Variants in EPC2 observed in about 807,000 individuals in gnomAD.
EPC2 encodes the protein enhancer of polycomb homolog 2.
In EPC2, 14 loss-of-function variants were observed where a neutral mutation model predicts 92.1. That is an observed-to-expected ratio of 0.15 (90% confidence interval 0.10 to 0.24). The LOEUF (loss-of-function observed/expected upper bound fraction) is 0.24. Among genes scored for constraint, EPC2 ranks in the 10% least tolerant of loss-of-function variants. EPC2 has a pLI of 1.00. For synonymous variants in EPC2, 340 were observed against 334.7 expected (o/e 1.02, Z -0.17); for missense variants, 755 against 971.5 (o/e 0.78, Z 2.96).
At chr2:148,711,220 T>A (rs1682137068) in intron 2 of EPC2, among the ~76,000 whole-genome samples, 1 of 152,080 alleles carries the variant, frequency 6.6e-6, no homozygotes, top group Non-Finnish European at 1.5e-5. Flanking sequence ...GTCCTATAAA[T>A]TTTTCTCTAA....
intron 2 of EPC2, among the ~76,000 whole-genome samples, chr2:148,729,216 T>C (rs1682569501): frequency 6.6e-6 from 1 of 152,096 alleles, no homozygotes; most frequent in Non-Finnish European, 1.5e-5. Flanking sequence ...TACTAGCTTG[T>C]ACAGGAGTGC....
intron 2 of EPC2, among the ~76,000 whole-genome samples, chr2:148,695,695 C>G (rs1406983704): frequency 1.3e-5 from 2 of 152,176 alleles, no homozygotes; most frequent in East Asian, 3.8e-4. Context: ...AAATGAAGAG[C>G]ATTGTTTTGT....
At position 148,690,267 on chromosome 2, in the gene EPC2, A is replaced by G. The variant is rs1681616298; in HGVS notation, c.207A>G (p.Lys69=). 6.2e-7 allele frequency: 1 copy of G among 1,610,482 alleles called. No homozygotes were observed. The highest frequency in any genetic ancestry group is 8.5e-7 in the Non-Finnish European group (1 of 1,179,000). ...CACAGCAAGTGTTTAGAGAAAAAAA[A>G]GAGAGTATGGTCATTCCTGTTCCTG... ...ISAQQVFREK[K]ESMVIPVPEA... Residue 69 remains lysine, a synonymous_variant, in exon 2 of 14, where the codon AAA becomes AAG. Transcript: ENST00000258484.
chr2:148,668,852 A>C (rs2105359206), intron 1 of EPC2, among the ~76,000 whole-genome samples: 1 of 150,642 alleles, frequency 6.6e-6, no homozygotes, highest in African/African-American at 2.4e-5. Context: ...GGTTTTGTTG[A>C]TCTTTCTCTG....
intron 3 of EPC2, among the ~76,000 whole-genome samples, chr2:148,746,822 T>TACACAC (rs34536465): frequency 2.0e-5 from 3 of 151,314 alleles, no homozygotes; most frequent in East Asian, 1.9e-4. Flanking sequence ...AAAAATTGTA[T>TACACAC]ACACACACAC....
At chr2:148,665,494 A>T (rs1396559858) in intron 1 of EPC2, among the ~76,000 whole-genome samples, 1 of 152,198 alleles carries the variant, frequency 6.6e-6, no homozygotes, top group Non-Finnish European at 1.5e-5. Flanking sequence ...TTGATTTAAA[A>T]CAAGGTTTTC....
chr2:148,755,405 C>G (rs908348629), intron 4 of EPC2, among the ~76,000 whole-genome samples: 1 of 151,930 alleles, frequency 6.6e-6, no homozygotes, highest in African/African-American at 2.4e-5. Context: ...CTATCAATCG[C>G]TTTTTGAAAG....
At chr2:148,769,094 C>T in intron 7 of EPC2, 57 bp from the exon 8 acceptor site, 1 of 1,132,156 alleles carries the variant, frequency 8.8e-7, no homozygotes, top group East Asian at 2.5e-5. Context: ...TAGAGTATTA[C>T]AAACATTGAT....
At chr2:148,742,676 G>A (rs1682899803) in intron 2 of EPC2, among the ~76,000 whole-genome samples, 1 of 151,750 alleles carries the variant, frequency 6.6e-6, no homozygotes, top group Non-Finnish European at 1.5e-5. Context: ...ACTTTACTTG[G>A]GAGACTGAGG....
rs142600759 is a variant in EPC2, at chr2:148,717,425, A to T, written c.314-26197A>T. 1.6e-3 allele frequency among the ~76,000 whole-genome samples: 243 copies of T among 152,212 alleles called. 1 individual carries two copies. The highest frequency in any genetic ancestry group is 0.014 in the Admixed American group (208 of 15,282). Reference sequence around the variant, plus strand: ...ACACTGCTTTAGCTGCATCCCAGAGATTCTGGTACATTGTATCTTTGTTCT... The same window carrying T: ...ACACTGCTTTAGCTGCATCCCAGAGTTTCTGGTACATTGTATCTTTGTTCT... On this transcript the variant is annotated intron_variant, in intron 2 of 13. Coordinates refer to ENST00000258484, the MANE Select transcript of EPC2 (RefSeq NM_015630.4).
intron 2 of EPC2, among the ~76,000 whole-genome samples, chr2:148,740,397 A>G (rs1682858867): frequency 1.3e-5 from 2 of 152,120 alleles, no homozygotes; most frequent in Non-Finnish European, 2.9e-5. Flanking sequence ...CAAAATCTCC[A>G]AAATCTATAA....
intron 2 of EPC2, among the ~76,000 whole-genome samples, chr2:148,708,881 C>T (rs1178960250): frequency 6.6e-6 from 1 of 152,104 alleles, no homozygotes; most frequent in African/African-American, 2.4e-5. Flanking sequence ...AACCCACAGC[C>T]AGTATCATAG....
At chr2:148,760,541 G>A (rs981875614) in intron 4 of EPC2, among the ~76,000 whole-genome samples, 1 of 151,976 alleles carries the variant, frequency 6.6e-6, no homozygotes, top group Admixed American at 6.6e-5. Context: ...AGTTGCTGTC[G>A]AAAATATTAA....
intron 1 of EPC2, among the ~76,000 whole-genome samples, chr2:148,689,470 C>T (rs1681601153): frequency 6.6e-6 from 1 of 152,042 alleles, no homozygotes; most frequent in African/African-American, 2.4e-5. Flanking sequence ...GAGCCACCAC[C>T]CAGCCATTGA....
chr2:148,742,306 C>A (rs1002752570), intron 2 of EPC2, among the ~76,000 whole-genome samples: 1 of 152,216 alleles, frequency 6.6e-6, no homozygotes, highest in South Asian at 2.1e-4. Context: ...TGCCTACACA[C>A]ATGGTTTGAA....
At chr2:148,762,618 C>G (rs1683324883) in intron 5 of EPC2, 52 bp from the exon 6 acceptor site, 1 of 1,358,726 alleles carries the variant, frequency 7.4e-7, no homozygotes, top group African/African-American at 1.5e-5. Context: ...TATTTTCCTT[C>G]TTTATTGTCA....
chr2:148,707,536 A>G (rs1178274963), intron 2 of EPC2, among the ~76,000 whole-genome samples: 2 of 152,246 alleles, frequency 1.3e-5, no homozygotes, highest in Non-Finnish European at 2.9e-5. Flanking sequence ...CCAAATCAAC[A>G]GAATATACAT....
intron 2 of EPC2, among the ~76,000 whole-genome samples, chr2:148,713,359 T>C (rs1682193821): frequency 6.6e-6 from 1 of 152,134 alleles, no homozygotes; most frequent in South Asian, 2.1e-4. Flanking sequence ...AAAAAATTTA[T>C]AAATAAGAAA....
intron 11 of EPC2, among the ~76,000 whole-genome samples, chr2:148,782,303 G>T (rs1346938459): frequency 6.6e-6 from 1 of 152,186 alleles, no homozygotes; most frequent in East Asian, 1.9e-4. Flanking sequence ...TTGGGCGGCC[G>T]AGGCGGGCAG....
Sources: allele counts gnomAD v4.1 joint callset (sites outside exome capture counted in the v4.1 genomes callset), GRCh38; gene constraint gnomAD v4.1.1; transcripts MANE v1.5; gene names NCBI Gene and HGNC (gene_info 2026-07-23, HGNC 2026-07-21).